STK38L: variants seen among roughly 807,000 people sequenced by gnomAD.
STK38L encodes serine/threonine-protein kinase 38-like.
In STK38L, 28 loss-of-function variants were observed where a neutral mutation model predicts 59.7. The observed-to-expected ratio is 0.47, with a 90% confidence interval of 0.35 to 0.64. The LOEUF is 0.64. STK38L is among the 30% of genes least tolerant of loss of function. STK38L has a pLI of 0.01. For missense variants in STK38L, 314 were observed against 555.8 expected, an observed-to-expected ratio of 0.56 and a Z score of 4.37; for synonymous variants, 162 against 176.8, an observed-to-expected ratio of 0.92 and a Z score of 0.66.
At chr12:27,319,127 T>C (rs1311711292) in intron 11 of STK38L, among the ~76,000 whole-genome samples, 1 of 152,236 alleles carries the variant, frequency 6.6e-6, no homozygotes, top group African/African-American at 2.4e-5. Context: ...TGTAAAAGAT[T>C]AGCATATTTA....
intron 1 of STK38L, among the ~76,000 whole-genome samples, chr12:27,269,235 GGGTTTTTAT>G (rs1943367088): frequency 6.6e-6 from 1 of 152,138 alleles, no homozygotes; most frequent in Non-Finnish European, 1.5e-5. Context: ...TTTTCTTCTA[GGGTTTTTAT>G]GGTTTTTAGG....
chr12:27,302,561 C>G (rs7965792), intron 3 of STK38L: 6,287 of 156,684 alleles, frequency 0.04, 425 homozygotes, highest in East Asian at 0.33. Flanking sequence ...ATATTTTAAC[C>G]TGAAAAATAA....
rs1943494429 is a variant in STK38L at position 27,274,629 on chromosome 12, A to G, written c.-11-23081A>G. 4.6e-5 allele frequency among the ~76,000 whole-genome samples: 7 copies of G among 152,322 alleles called. No homozygotes were observed. In the South Asian group the frequency reaches 1.5e-3, roughly 32 times the overall value. ...TATAACCCACATTTATTCAGTACCT[A>G]TAGGTGCTATGCTTGAAGCACATAA... On this transcript the variant is annotated intron_variant, in intron 1 of 13. Coordinates refer to ENST00000389032, the MANE Select transcript of STK38L (RefSeq NM_015000.4).
At chr12:27,264,225 T>C (rs1228928597) in intron 1 of STK38L, among the ~76,000 whole-genome samples, 2 of 152,192 alleles carry the variant, frequency 1.3e-5, no homozygotes, top group African/African-American at 2.4e-5. Flanking sequence ...CTATGAGCAA[T>C]GATTTCAGGA....
intron 1 of STK38L, among the ~76,000 whole-genome samples, chr12:27,288,290 T>C (rs78761570): frequency 2.0e-5 from 3 of 152,188 alleles, no homozygotes; most frequent in African/African-American, 7.2e-5. Context: ...AAATTAACAT[T>C]TTAAAGCATA....
chr12:27,297,898 G>A lies in STK38L; in HGVS notation c.134+44G>A, dbSNP rs1591911811. Reference sequence around the variant, plus strand: ...AAAACTTTTTTTAGTTAAATAAGCTGTTGTGCTGTGAGTGGAATAGAAACT... The same window carrying A: ...AAAACTTTTTTTAGTTAAATAAGCTATTGTGCTGTGAGTGGAATAGAAACT... On this transcript the variant is annotated intron_variant, in intron 2 of 13. Transcript: ENST00000389032. 1.9e-6 allele frequency: 3 copies of A among 1,604,868 alleles called. No homozygotes were observed. The East Asian group carries it at 6.7e-5, about 36-fold the overall frequency.
intron 1 of STK38L, among the ~76,000 whole-genome samples, chr12:27,274,306 T>C (rs2136620445): frequency 6.6e-6 from 1 of 152,052 alleles, no homozygotes; most frequent in Admixed American, 6.6e-5. Flanking sequence ...AAAAAGGGTG[T>C]CCTGTTGGAG....
chr12:27,296,978 G>A (rs1944040739), intron 1 of STK38L: 2 of 152,266 alleles, frequency 1.3e-5, no homozygotes, highest in Admixed American at 1.3e-4. Flanking sequence ...AAGCTTCCCT[G>A]TTGTTACCTG....
intron 1 of STK38L, among the ~76,000 whole-genome samples, chr12:27,279,068 G>A (rs998468501): frequency 2.8e-4 from 42 of 152,308 alleles, no homozygotes; most frequent in African/African-American, 8.9e-4. Flanking sequence ...GGTTTATTGG[G>A]ATATAAGACC....
At chr12:27,310,207 A>C (rs143676611) in intron 5 of STK38L, among the ~76,000 whole-genome samples, 119 of 152,308 alleles carry the variant, frequency 7.8e-4, no homozygotes, top group African/African-American at 2.7e-3. Context: ...TGTTGATGAC[A>C]GGCTATGATT....
At chr12:27,266,749 G>A (rs1324554274) in intron 1 of STK38L, among the ~76,000 whole-genome samples, 2 of 152,102 alleles carry the variant, frequency 1.3e-5, no homozygotes, top group African/African-American at 4.8e-5. Flanking sequence ...ATCTGGTGTG[G>A]CCCTCTGTGT....
At chr12:27,317,556 T>C (rs75908625) in intron 10 of STK38L, 103 bp downstream of exon 10, 85,704 of 975,106 alleles carry the variant, frequency 0.088, 4,376 homozygotes, top group Non-Finnish European at 0.1. Context: ...TGAAGTCTTT[T>C]AAGCTTAATT....
chr12:27,269,367 T>C (rs1943370460), intron 1 of STK38L, among the ~76,000 whole-genome samples: 1 of 152,258 alleles, frequency 6.6e-6, no homozygotes, highest in Non-Finnish European at 1.5e-5. Flanking sequence ...GCACCATTTA[T>C]TAAATAGGGA....
At chr12:27,298,995 TAGAAAC>T (rs1944099062) in intron 2 of STK38L, among the ~76,000 whole-genome samples, 1 of 152,172 alleles carries the variant, frequency 6.6e-6, no homozygotes, top group South Asian at 2.1e-4. Flanking sequence ...GGTGGGGAAT[TAGAAAC>T]AGGAAAGTCT....
At chr12:27,253,880 A>G (rs1337799789) in intron 1 of STK38L, among the ~76,000 whole-genome samples, 1 of 152,186 alleles carries the variant, frequency 6.6e-6, no homozygotes, top group Non-Finnish European at 1.5e-5. Flanking sequence ...ATGTTTATCC[A>G]GCTTTAGCAC....
chr12:27,306,499 TC>T (rs1412231705), intron 3 of STK38L, among the ~76,000 whole-genome samples: 1 of 152,128 alleles, frequency 6.6e-6, no homozygotes, highest in African/African-American at 2.4e-5. Flanking sequence ...TTTTTATTAT[TC>T]AAAAGGTATT....
At chr12:27,262,452 C>T (rs140942561) in intron 1 of STK38L, among the ~76,000 whole-genome samples, 71 of 152,064 alleles carry the variant, frequency 4.7e-4, no homozygotes, top group African/African-American at 1.7e-3. Flanking sequence ...TAGGTATTAA[C>T]GTTAAAAATC....
intron 1 of STK38L, among the ~76,000 whole-genome samples, chr12:27,268,290 C>T (rs1025874218): frequency 2.0e-5 from 3 of 152,016 alleles, no homozygotes; most frequent in African/African-American, 7.3e-5. Context: ...CACAACAGGC[C>T]CCAGTGTGTG....
intron 1 of STK38L, among the ~76,000 whole-genome samples, chr12:27,271,506 T>C (rs1213142933): frequency 6.6e-6 from 1 of 152,196 alleles, no homozygotes; most frequent in African/African-American, 2.4e-5. Context: ...TGTAATTCAA[T>C]TTCCTATATA....
Sources: allele counts gnomAD v4.1 joint callset (sites outside exome capture counted in the v4.1 genomes callset), GRCh38; gene constraint gnomAD v4.1.1; transcripts MANE v1.5; gene names NCBI Gene and HGNC (gene_info 2026-07-23, HGNC 2026-07-21).